The following PRKN variants were observed in gnomAD, a reference collection of about 807,000 sequenced individuals.
The protein encoded by PRKN is E3 ubiquitin-protein ligase parkin.
In PRKN, 56 loss-of-function variants were observed where a neutral mutation model predicts 59.5. The observed-to-expected ratio is 0.94, with a 90% confidence interval of 0.76 to 1.18. The LOEUF is 1.18. Ranked by LOEUF, PRKN falls within the 50% of genes most tolerant of loss-of-function variation. The pLI is 0.00. For missense variants in PRKN, 657 were observed against 596.4 expected (o/e 1.10, Z -1.06); for synonymous variants, 250 against 222.1 (o/e 1.13, Z -1.12).
At chr6:161,690,483 G>T (rs189492221) in intron 7 of PRKN, among the ~76,000 whole-genome samples, 29 of 152,332 alleles carry the variant, frequency 1.9e-4, no homozygotes, top group Admixed American at 1.0e-3. Context: ...CTGACTCACT[G>T]TTAACTTCCT....
rs1583777379 is a variant in PRKN, at chr6:162,548,662, G to A, written c.8-105189C>T. ...AAGGATGGCTATCCTTCCTATTTAA[G>A]CTAAAAGACATTTTCATTTGAAAGC... is the stretch of plus-strand genomic sequence containing the variant. On this transcript the variant is annotated intron_variant, in intron 1 of 11. Transcript: ENST00000366898. 2.0e-5 allele frequency among the ~76,000 whole-genome samples: 3 copies of A among 152,214 alleles called. No homozygotes were observed. The East Asian group carries it at 5.8e-4, about 29-fold the overall frequency.
At chr6:162,338,941 G>T (rs1223988919) in intron 2 of PRKN, among the ~76,000 whole-genome samples, 1 of 150,086 alleles carries the variant, frequency 6.7e-6, no homozygotes, top group Non-Finnish European at 1.5e-5. Flanking sequence ...CTGCCCGGCC[G>T]CGACCCCGTC....
chr6:161,864,531 T>C (rs1184115920), intron 6 of PRKN, among the ~76,000 whole-genome samples: 1 of 152,196 alleles, frequency 6.6e-6, no homozygotes, highest in African/African-American at 2.4e-5. Flanking sequence ...GAAACCAACT[T>C]TTTCAAAGCT....
intron 2 of PRKN, among the ~76,000 whole-genome samples, chr6:162,363,472 C>G (rs1189044288): frequency 6.6e-6 from 1 of 152,142 alleles, no homozygotes; most frequent in African/African-American, 2.4e-5. Context: ...TATTTGAAAA[C>G]TATTTATTCT....
chr6:162,191,130 A>G (rs1784261407), intron 4 of PRKN, among the ~76,000 whole-genome samples: 1 of 152,184 alleles, frequency 6.6e-6, no homozygotes, highest in African/African-American at 2.4e-5. Context: ...AGTTCAGGAA[A>G]GTGGGCTAAA....
At chr6:161,702,455 T>C (rs1192500369) in intron 7 of PRKN, among the ~76,000 whole-genome samples, 13 of 152,164 alleles carry the variant, frequency 8.5e-5, no homozygotes, top group Admixed American at 8.5e-4. Flanking sequence ...ATAGGTATGA[T>C]TGTATGATTC....
intron 1 of PRKN, among the ~76,000 whole-genome samples, chr6:162,709,605 T>A (rs894911114): frequency 4.6e-5 from 7 of 152,224 alleles, no homozygotes; most frequent in African/African-American, 1.7e-4. Flanking sequence ...AATATGCTGG[T>A]GCTCATGCTG....
intron 2 of PRKN, among the ~76,000 whole-genome samples, chr6:162,362,768 T>C (rs1458117936): frequency 6.6e-6 from 1 of 152,058 alleles, no homozygotes; most frequent in Non-Finnish European, 1.5e-5. Context: ...AAGCCTCCTC[T>C]AGCCCAGAAA....
intron 4 of PRKN, among the ~76,000 whole-genome samples, chr6:162,080,229 T>C (rs763205726): frequency 2.0e-5 from 3 of 152,260 alleles, no homozygotes; most frequent in Admixed American, 1.3e-4. Flanking sequence ...ATTATTTATA[T>C]ATGAAATTGT....
At chr6:161,565,707 G>A (rs991028832) in intron 8 of PRKN, among the ~76,000 whole-genome samples, 10 of 152,098 alleles carry the variant, frequency 6.6e-5, no homozygotes, top group Admixed American at 3.9e-4. Context: ...AAGTTACCCA[G>A]TCTCAGGCAT....
intron 1 of PRKN, among the ~76,000 whole-genome samples, chr6:162,691,238 A>G (rs985894759): frequency 6.6e-6 from 1 of 152,180 alleles, no homozygotes. Context: ...TTTCAATTAG[A>G]TAATTATAAA....
chr6:162,340,673 T>TG (rs1784138496), intron 2 of PRKN, among the ~76,000 whole-genome samples: 2 of 152,202 alleles, frequency 1.3e-5, no homozygotes, highest in Non-Finnish European at 2.9e-5. Flanking sequence ...AAACAAGAAA[T>TG]GGGGAAAGGA....
chr6:161,882,912 T>C (rs905344607), intron 6 of PRKN, among the ~76,000 whole-genome samples: 13 of 151,626 alleles, frequency 8.6e-5, no homozygotes, highest in Non-Finnish European at 1.6e-4. Flanking sequence ...GGCTGAGGCA[T>C]GATAATCGCT....
chr6:162,344,566 G>A (rs1025954703), intron 2 of PRKN, among the ~76,000 whole-genome samples: 1 of 151,966 alleles, frequency 6.6e-6, no homozygotes, highest in Non-Finnish European at 1.5e-5. Context: ...GGGTCAGGGA[G>A]GTCTGGCCTG....
intron 6 of PRKN, among the ~76,000 whole-genome samples, chr6:161,931,364 G>T (rs1779165358): frequency 6.6e-6 from 1 of 152,088 alleles, no homozygotes; most frequent in African/African-American, 2.4e-5. Flanking sequence ...CTTGAACCTG[G>T]GAGGTAGAGG....
At chr6:162,143,388 G>A (rs894167798) in intron 4 of PRKN, among the ~76,000 whole-genome samples, 2 of 151,918 alleles carry the variant, frequency 1.3e-5, no homozygotes, top group Non-Finnish European at 2.9e-5. Context: ...AGAATGTCTT[G>A]GACCAAGAGG....
intron 9 of PRKN, among the ~76,000 whole-genome samples, chr6:161,469,611 T>C (rs975443154): frequency 1.3e-5 from 2 of 151,760 alleles, no homozygotes; most frequent in Admixed American, 1.3e-4. Context: ...GATTGAAACC[T>C]GAAGGTTACT....
intron 1 of PRKN, among the ~76,000 whole-genome samples, chr6:162,708,483 G>T (rs1260383002): frequency 6.6e-6 from 1 of 152,126 alleles, no homozygotes; most frequent in Non-Finnish European, 1.5e-5. Flanking sequence ...ACTGGAAATG[G>T]GCAGGAAAGC....
At chr6:161,977,542 G>GTTTTTTTTTTTTTTT (rs1554256833) in intron 5 of PRKN, among the ~76,000 whole-genome samples, 1 of 104,522 alleles carries the variant, frequency 9.6e-6, no homozygotes. Context: ...TGTTTTTTTG[G>GTTTTTTTTTTTTTTT]TTTTTTTTTT....
Sources: gnomAD v4.1 joint callset for allele counts (sites outside exome capture counted in the v4.1 genomes callset) on GRCh38, gnomAD v4.1.1 for gene constraint, MANE v1.5 for transcripts, NCBI Gene and HGNC (gene_info 2026-07-23, HGNC 2026-07-21) for gene names.